The following ETS1 variants were observed in gnomAD, a reference collection of about 807,000 sequenced individuals.
The protein encoded by ETS1 is protein C-ets-1.
ETS1 carries 15 observed loss-of-function variants against 58.6 expected under a neutral mutation model. The ratio of observed to expected loss-of-function variants is 0.26; its 90% confidence interval spans 0.17 to 0.39. The LOEUF (loss-of-function observed/expected upper bound fraction) is 0.39. Ranked by LOEUF, ETS1 falls within the 10% of genes least tolerant of loss-of-function variation. ETS1 has a pLI of 1.00. For synonymous variants in ETS1, 214 were observed against 218.2 expected (o/e 0.98, Z 0.17); for missense variants, 417 against 610.5 (o/e 0.68, Z 3.34).
At chr11:128,508,271 T>C (rs1282755609) in intron 3 of ETS1, among the ~76,000 whole-genome samples, 1 of 152,328 alleles carries the variant, frequency 6.6e-6, no homozygotes, top group African/African-American at 2.4e-5. Context: ...TTTATTGAGC[T>C]CCTGTGGCAA....
chr11:128,473,902 T>C (rs1862253551), intron 8 of ETS1, among the ~76,000 whole-genome samples: 3 of 152,174 alleles, frequency 2.0e-5, no homozygotes, highest in African/African-American at 7.2e-5. Flanking sequence ...GGCCTGTTGT[T>C]TAAAGGCAAT....
intron 3 of ETS1, among the ~76,000 whole-genome samples, chr11:128,522,713 C>G (rs989354695): frequency 6.6e-6 from 1 of 152,236 alleles, no homozygotes; most frequent in East Asian, 1.9e-4. Context: ...GTCACCCGCT[C>G]TCGCCCCCTC....
intron 3 of ETS1, among the ~76,000 whole-genome samples, chr11:128,546,741 G>C (rs1864138590): frequency 6.6e-6 from 1 of 152,166 alleles, no homozygotes; most frequent in South Asian, 2.1e-4. Context: ...TTGTTTGCAG[G>C]GGGGAAGGTG....
rs1365002204 is a variant in ETS1, at chr11:128,549,021, T to TA, written c.214+7269dup. 6.7e-6 allele frequency among the ~76,000 whole-genome samples: 1 copy of TA among 148,906 alleles called. No homozygotes were observed. The highest frequency in any genetic ancestry group is 2.5e-5 in the African/African-American group (1 of 40,076). On this transcript the variant is annotated intron_variant, in intron 3 of 9. Transcript: ENST00000392668. This position sits in a 1 kb window ranked among gnomAD's most constrained non-coding sequence, Gnocchi z 4.3. ...GCAGGGGAGGAAGGCGGGGTGGGGT[T>TA]AGGGACCGGGAGGCTGGGGGAGGGG...
intron 3 of ETS1, among the ~76,000 whole-genome samples, chr11:128,519,193 G>A (rs1863600371): frequency 6.6e-6 from 1 of 152,212 alleles, no homozygotes; most frequent in African/African-American, 2.4e-5. Context: ...TGTTAATTTA[G>A]CACTTAACGC....
In ETS1 at chr11:128,556,412, A is replaced by G. The variant is rs774840051; in HGVS notation, c.93T>C (p.Tyr31=). 8.1e-6 allele frequency: 13 copies of G among 1,612,312 alleles called. No individual in the cohort carries two copies. Among genetic ancestry groups the G allele is most frequent in the African/African-American group, 4.0e-5 (3 of 74,854 alleles). The change falls in exon 3 of 10, where the codon TAT becomes TAC. Residue 31 remains tyrosine, a synonymous_variant. Coordinates refer to ENST00000392668, the MANE Select transcript of ETS1 (RefSeq NM_001143820.2). The part of the protein sequence containing the change: ...AVVRQGPSNT[Y]EDPRMNCGFQ... Reference sequence around the variant, plus strand: ...AACCACAGTTCATTCGAGGATCTTCATAAGTGTTGCTAGGTCCTTGCCTCT... The same window carrying G: ...AACCACAGTTCATTCGAGGATCTTCGTAAGTGTTGCTAGGTCCTTGCCTCT...
At chr11:128,475,708 C>T (rs35887047) in intron 8 of ETS1, among the ~76,000 whole-genome samples, 5,520 of 152,136 alleles carry the variant, frequency 0.036, 133 homozygotes, top group Middle Eastern at 0.092. Context: ...CCCACCACCA[C>T]GCCCAGCTAG....
intron 4 of ETS1, 48 bp downstream of exon 4, chr11:128,490,409 C>T (rs1346362717): frequency 6.2e-7 from 1 of 1,605,176 alleles, no homozygotes; most frequent in Non-Finnish European, 8.5e-7. Context: ...ATGTGTCTTC[C>T]CAAAGGGTCT....
intron 3 of ETS1, among the ~76,000 whole-genome samples, chr11:128,520,196 C>T (rs1264575764): frequency 6.6e-6 from 1 of 152,206 alleles, no homozygotes; most frequent in Non-Finnish European, 1.5e-5. Context: ...TAATCAGTAA[C>T]TGAAATGACG....
At chr11:128,467,771 T>C (rs894587743) in intron 8 of ETS1, among the ~76,000 whole-genome samples, 1 of 152,096 alleles carries the variant, frequency 6.6e-6, no homozygotes, top group African/African-American at 2.4e-5. Context: ...ACATCAGGAA[T>C]CCAGTGGCAT....
rs1355906800 is a variant in ETS1, at chr11:128,510,156, G to C, written c.215-19580C>G. On this transcript the variant is annotated intron_variant, in intron 3 of 9. Transcript: ENST00000392668. ...GTACACATACACATGACTCACCCTT[G>C]GGGAGCTCATATGTATTTAGCATCC... Among the ~76,000 whole-genome samples the C allele has an allele frequency of 2.0e-5, 3 of 152,204 alleles. No individual in the cohort carries two copies. The East Asian group carries it at 5.8e-4, about 29-fold the overall frequency.
chr11:128,485,020 G>T lies in ETS1; in HGVS notation c.665C>A (p.Pro222His). The T allele has an allele frequency of 6.2e-7, 1 of 1,613,868 alleles. No homozygotes were observed. The highest frequency in any genetic ancestry group is 8.5e-7 in the Non-Finnish European group (1 of 1,179,878). ...QCVPPSEFSE[P>H]SFITESYQTL... ...CTGATAGGACTCTGTGATGAAGCTG[G>T]GCTCTGAGAACTCCGATGGTGGAAC... The change falls in exon 7 of 10, where the codon CCC becomes CAC. Residue 222 changes from proline to histidine, a missense_variant. Pro to His is a moderately conservative substitution (Grantham distance 77, BLOSUM62 -2). Coordinates refer to ENST00000392668, the MANE Select transcript of ETS1 (RefSeq NM_001143820.2).
chr11:128,481,894 G>A (rs1591602936), intron 7 of ETS1, among the ~76,000 whole-genome samples: 2 of 152,256 alleles, frequency 1.3e-5, no homozygotes, highest in Admixed American at 6.5e-5. Context: ...CCACTGCTGT[G>A]GGTTTTCTCT....
chr11:128,493,007 T>TTG (rs1291033065), intron 3 of ETS1, among the ~76,000 whole-genome samples: 1 of 152,182 alleles, frequency 6.6e-6, no homozygotes, highest in Non-Finnish European at 1.5e-5. Context: ...GTGGGTTTTG[T>TTG]TGTGTGTGTT....
chr11:128,536,125 C>T (rs1269140932), intron 3 of ETS1, among the ~76,000 whole-genome samples: 3 of 152,112 alleles, frequency 2.0e-5, no homozygotes, highest in African/African-American at 4.8e-5. Context: ...AATCTAAGAC[C>T]TCTAAATACA....
chr11:128,582,258 C>A (rs915127947), intron 1 of ETS1, among the ~76,000 whole-genome samples: 1 of 152,132 alleles, frequency 6.6e-6, no homozygotes, highest in Non-Finnish European at 1.5e-5. Context: ...GCGTGTATGG[C>A]CATGAGCAAA....
rs144499771 is a variant in ETS1 at position 128,558,193 on chromosome 11, G to A, written c.70-1758C>T. ...GTGGGACTCAGTGGAAATGTCACCA[G>A]TTGTGTTGCATCGAAGGCTAACATC... is the stretch of plus-strand genomic sequence containing the variant. On this transcript the variant is annotated intron_variant, in intron 2 of 9. Transcript: ENST00000392668. Among the ~76,000 whole-genome samples the A allele has an allele frequency of 7.9e-3, 1,199 of 152,328 alleles. 21 individuals carry two copies. The highest frequency in any genetic ancestry group is 0.027 in the African/African-American group (1,136 of 41,554).
chr11:128,552,669 T>A (rs1864249929), intron 3 of ETS1, among the ~76,000 whole-genome samples: 1 of 152,134 alleles, frequency 6.6e-6, no homozygotes, highest in African/African-American at 2.4e-5. Context: ...TTCATGAGCA[T>A]CATAAGGGTG....
chr11:128,571,490 C>CG (rs1310460804), intron 2 of ETS1, among the ~76,000 whole-genome samples: 1 of 106,128 alleles, frequency 9.4e-6, no homozygotes, highest in African/African-American at 3.8e-5. Flanking sequence ...GGCGACAGAG[C>CG]AAGACTCCGT....
Sources: allele counts gnomAD v4.1 joint callset (sites outside exome capture counted in the v4.1 genomes callset), GRCh38; gene constraint gnomAD v4.1.1; non-coding constraint Gnocchi (gnomAD v3.1); transcripts MANE v1.5; gene names NCBI Gene and HGNC (gene_info 2026-07-23, HGNC 2026-07-21).